The following TRDMT1 variants were observed in gnomAD, a reference collection of about 807,000 sequenced individuals.
TRDMT1 encodes the protein tRNA aspartic acid methyltransferase 1.
A neutral mutation model predicts 51.2 loss-of-function variants in TRDMT1; 49 were observed. That is an observed-to-expected ratio of 0.96 (90% confidence interval 0.76 to 1.21). The LOEUF (loss-of-function observed/expected upper bound fraction) is 1.21, where lower values mean the gene tolerates loss of function less well. Among genes scored for constraint, TRDMT1 ranks in the 50% most tolerant of loss-of-function variants. TRDMT1 has a pLI of 0.00. For missense variants in TRDMT1, 534 were observed against 462.3 expected (o/e 1.16, Z -1.42); for synonymous variants, 187 against 164.6 (o/e 1.14, Z -1.04).
chr10:17,188,455 G>A (rs1409634087), intron 1 of TRDMT1, among the ~76,000 whole-genome samples: 2 of 16,056 alleles, frequency 1.2e-4, no homozygotes, highest in Non-Finnish European at 1.5e-3. Flanking sequence ...TATTGAGCAT[G>A]ACTGACGCTG....
At chr10:17,175,444 T>A (rs56808299) in intron 1 of TRDMT1, among the ~76,000 whole-genome samples, 1 of 152,146 alleles carries the variant, frequency 6.6e-6, no homozygotes, top group African/African-American at 2.4e-5. Flanking sequence ...CGTAGCTATA[T>A]TTTACAATGA....
In TRDMT1 at chr10:17,159,166, G is replaced by A. The variant is rs770273982; in HGVS notation, c.523C>T (p.Pro175Ser). 2 of 1,601,912 alleles carry A rather than the reference G, an allele frequency of 1.2e-6. No individual in the cohort carries two copies. Among genetic ancestry groups the A allele is most frequent in the South Asian group, 2.2e-5 (2 of 88,924 alleles). The change falls in exon 7 of 11, where the codon CCC (proline) becomes TCC (serine). Residue 175 changes from proline (P) to serine (S), a missense_variant. Coordinates refer to ENST00000377799, the MANE Select transcript of TRDMT1 (RefSeq NM_004412.7). Reference sequence around the variant, plus strand: ...AATACCTGACCAGGGGCTTGAAAGGGTAATGGCTCTGACTGAAGCTTTGCA... The same window carrying A: ...AATACCTGACCAGGGGCTTGAAAGGATAATGGCTCTGACTGAAGCTTTGCA... ...LIAKLQSEPL[P>S]FQAPGQVLME...
Position 17,139,912 on chromosome 10 carries a change from C to A in TRDMT1, c.*9128G>T, listed in dbSNP as rs945144839. Among the ~76,000 whole-genome samples, 1 of 151,664 alleles carries A rather than the reference C, an allele frequency of 6.6e-6. No homozygotes were observed. Among genetic ancestry groups the A allele is most frequent in the South Asian group, 2.1e-4 (1 of 4,800 alleles). ...ATAGTGACTTGGACCATATTTGTTA[C>A]GGAAGTACTGCTAAATCAAGCTTTG... On this transcript the variant is annotated 3_prime_UTR_variant, in exon 11 of 11. Transcript: ENST00000377799.
In TRDMT1 at chr10:17,145,838, A is replaced by G; in HGVS notation, c.*3202T>C. ...TCCTTTAGTAGGTGCTTGATATTAG[A>G]TGAAATGTGGTTGCTTCTTTGTTCT... On this transcript the variant is annotated 3_prime_UTR_variant, in exon 11 of 11. Transcript: ENST00000377799. 3.0e-6 allele frequency: 3 copies of G among 985,452 alleles called. No homozygotes were observed. The highest frequency in any genetic ancestry group is 3.6e-6 in the Non-Finnish European group (3 of 829,934). 61.0% of individuals were successfully genotyped at this position (985,452 alleles called of 1,614,324 possible). A position where few individuals can be genotyped will look rare whatever the true frequency, so the allele number is the denominator to read the frequency against.
chr10:17,143,399 C>T lies in TRDMT1; in HGVS notation c.*5641G>A. 1.0e-6 allele frequency: 1 copy of T among 985,458 alleles called. No homozygotes were observed. Among genetic ancestry groups the T allele is most frequent in the South Asian group, 4.7e-5 (1 of 21,288 alleles). 61.0% of individuals were successfully genotyped at this position (985,458 alleles called of 1,614,324 possible). A position where few individuals can be genotyped will look rare whatever the true frequency, so the allele number is the denominator to read the frequency against. ...TCGTAACAGCTATTCAGCTTATTGT[C>T]TACTCATTCATAGGATCAGCTCTTA... is the stretch of plus-strand genomic sequence containing the variant. On this transcript the variant is annotated 3_prime_UTR_variant, in exon 11 of 11. Coordinates refer to ENST00000377799, the MANE Select transcript of TRDMT1 (RefSeq NM_004412.7).
intron 1 of TRDMT1, among the ~76,000 whole-genome samples, chr10:17,190,391 T>C (rs1844526927): frequency 6.7e-6 from 1 of 149,744 alleles, no homozygotes; most frequent in Non-Finnish European, 1.5e-5. Flanking sequence ...TTTTCAACTT[T>C]GAAAAATAAA....
chr10:17,180,491 G>A (rs999484804), intron 1 of TRDMT1, among the ~76,000 whole-genome samples: 3 of 141,552 alleles, frequency 2.1e-5, no homozygotes, highest in Non-Finnish European at 3.0e-5. Context: ...AGTGAGCCGA[G>A]ATTGCGCCAC....
Position 17,145,476 on chromosome 10 carries a change from C to A in TRDMT1, c.*3564G>T, listed in dbSNP as rs1838028119. 5.1e-6 allele frequency: 5 copies of A among 985,372 alleles called. No homozygotes were observed. Among genetic ancestry groups the A allele is most frequent in the Admixed American group, 6.1e-5 (1 of 16,276 alleles). 61.0% of individuals were successfully genotyped at this position (985,372 alleles called of 1,614,324 possible). On this transcript the variant is annotated 3_prime_UTR_variant, in exon 11 of 11. Coordinates refer to ENST00000377799, the MANE Select transcript of TRDMT1 (RefSeq NM_004412.7). Reference sequence around the variant, plus strand: ...CTTTAAAAATTATATAATCTCAATGCAATCACAGGCTACAAGAAAACTGCT... The same window carrying A: ...CTTTAAAAATTATATAATCTCAATGAAATCACAGGCTACAAGAAAACTGCT...
At chr10:17,197,302 T>C (rs541136431) in intron 1 of TRDMT1, among the ~76,000 whole-genome samples, 2 of 152,070 alleles carry the variant, frequency 1.3e-5, no homozygotes, top group African/African-American at 2.4e-5. Context: ...GGTACTGTGC[T>C]AGAGGCTGTA....
In TRDMT1 at chr10:17,160,285, T is replaced by A; in HGVS notation, c.459+20A>T. 1 of 1,444,240 alleles carries A rather than the reference T, an allele frequency of 6.9e-7. No homozygotes were observed. The highest frequency in any genetic ancestry group is 9.2e-7 in the Non-Finnish European group (1 of 1,085,982). The allele number at this position is 1,444,240 out of a possible 1,614,324, so 89.5% of individuals were successfully genotyped here. A position where few individuals can be genotyped will look rare whatever the true frequency, so the allele number is the denominator to read the frequency against. On this transcript the variant is annotated intron_variant, in intron 6 of 10. Coordinates refer to ENST00000377799, the MANE Select transcript of TRDMT1 (RefSeq NM_004412.7). ...CTTTAAATTATAATTTATATAAGCA[T>A]TTATAACTGTGATACCTACAGAGGT...
chr10:17,139,552 G>T lies in TRDMT1; in HGVS notation c.*9488C>A, dbSNP rs962621476. Among the ~76,000 whole-genome samples the T allele has an allele frequency of 6.6e-6, 1 of 152,140 alleles. No individual in the cohort carries two copies. The highest frequency in any genetic ancestry group is 2.4e-5 in the African/African-American group (1 of 41,414). ...TGAAAAAAAAGAAAAAGAAAACAAA[G>T]TTTGGGGATACCTGGCACTCTTCAG... On this transcript the variant is annotated 3_prime_UTR_variant, in exon 11 of 11. Transcript: ENST00000377799.
intron 8 of TRDMT1, among the ~76,000 whole-genome samples, chr10:17,156,837 C>CAT (rs968458074): frequency 1.3e-5 from 2 of 152,102 alleles, no homozygotes; most frequent in Non-Finnish European, 2.9e-5. Flanking sequence ...CTTTCAGATA[C>CAT]AATACCTCTG....
At chr10:17,178,029 T>A (rs553768475) in intron 1 of TRDMT1, among the ~76,000 whole-genome samples, 1 of 152,326 alleles carries the variant, frequency 6.6e-6, no homozygotes, top group East Asian at 1.9e-4. Flanking sequence ...AGGAGGACCT[T>A]GAGAAAGAAA....
chr10:17,149,288 G>T (rs771069656), intron 10 of TRDMT1, 148 bp from the exon 11 acceptor site: 119 of 625,752 alleles, frequency 1.9e-4, no homozygotes, highest in Non-Finnish European at 2.7e-4. Context: ...AAGAGAATTT[G>T]GAGCCAAAAA....
At chr10:17,155,978 G>A (rs903021928) in intron 8 of TRDMT1, among the ~76,000 whole-genome samples, 1 of 152,062 alleles carries the variant, frequency 6.6e-6, no homozygotes, top group Non-Finnish European at 1.5e-5. Flanking sequence ...TATTGAACTT[G>A]GTAATTGACA....
In TRDMT1 at chr10:17,160,310, T is replaced by A. The variant is rs376428407; in HGVS notation, c.454A>T (p.Thr152Ser). The stretch of plus-strand genomic sequence containing the variant: ...TTTATAACTGTGATACCTACAGAGG[T>A]TGGAGATAATAGAAACTCTTGGTAC... The part of the protein sequence containing the change: ...FQYQEFLLSP[T>S]SLGIPNSRLR... The change falls in exon 6 of 11, where the codon ACC becomes TCC. Residue 152 changes from threonine (T) to serine (S), a missense_variant. Thr to Ser is a moderately conservative substitution (Grantham distance 58, BLOSUM62 1). Transcript: ENST00000377799. 2 of 1,559,030 alleles carry A rather than the reference T, an allele frequency of 1.3e-6. No individual in the cohort carries two copies. The highest frequency in any genetic ancestry group is 2.5e-5 in the South Asian group (2 of 80,510).
Position 17,154,415 on chromosome 10 carries a change from T to G in TRDMT1, c.945+262A>C, listed in dbSNP as rs1474257837. Among the ~76,000 whole-genome samples the G allele has an allele frequency of 2.0e-5, 3 of 152,158 alleles. No homozygotes were observed. In the East Asian group the frequency reaches 5.8e-4, roughly 29 times the overall value. ...TTGTAGGCTGAGTTTCAACTACTAT[T>G]TATGGAATAAAAGAAAAGCAGAAGG... On this transcript the variant is annotated intron_variant, in intron 9 of 10. Coordinates refer to ENST00000377799, the MANE Select transcript of TRDMT1 (RefSeq NM_004412.7).
chr10:17,152,866 T>A (rs976460067), intron 10 of TRDMT1: 2 of 152,516 alleles, frequency 1.3e-5, no homozygotes, highest in African/African-American at 4.8e-5. Flanking sequence ...TTCTTGAGAT[T>A]CCTTGCTGTA....
chr10:17,157,177 G>A (rs1021646044), intron 8 of TRDMT1, among the ~76,000 whole-genome samples: 2 of 152,018 alleles, frequency 1.3e-5, no homozygotes, highest in African/African-American at 4.8e-5. Context: ...CTCCACTACG[G>A]GTATTTAAGC....
Sources: allele counts gnomAD v4.1 joint callset (sites outside exome capture counted in the v4.1 genomes callset), GRCh38; gene constraint gnomAD v4.1.1; transcripts MANE v1.5; gene names NCBI Gene and HGNC (gene_info 2026-07-23, HGNC 2026-07-21).